NRXN1: variants seen among roughly 807,000 people sequenced by gnomAD.
NRXN1 encodes the protein neurexin-1.
Under a neutral mutation model 150.9 loss-of-function variants are expected in NRXN1, and 39 were observed. The observed-to-expected ratio is 0.26, with a 90% CI of 0.20 to 0.34. The LOEUF (loss-of-function observed/expected upper bound fraction) is 0.34, where lower values mean the gene tolerates loss of function less well. Among genes scored for constraint, NRXN1 ranks in the 10% least tolerant of loss-of-function variants. The probability of loss-of-function intolerance (pLI) is 1.00; values close to 1 mark genes in which losing one functional copy is unlikely to be tolerated. For synonymous variants in NRXN1, 924 were observed against 757.0 expected (o/e 1.22, Z -3.62); for missense variants, 1,815 against 1,949.9 (o/e 0.93, Z 1.30).
intron 9 of NRXN1, among the ~76,000 whole-genome samples, chr2:50,543,502 T>G (rs1466696088): frequency 6.6e-6 from 1 of 152,122 alleles, no homozygotes; most frequent in African/African-American, 2.4e-5. Context: ...TTCTTACATG[T>G]AAAGCTGTTT....
intron 8 of NRXN1, among the ~76,000 whole-genome samples, chr2:50,560,838 C>T (rs1331047919): frequency 6.6e-6 from 1 of 152,176 alleles, no homozygotes; most frequent in East Asian, 1.9e-4. Context: ...ATTCAGAGAC[C>T]ATGTACAGAT....
chr2:50,015,498 A>C (rs1242445353), intron 21 of NRXN1, among the ~76,000 whole-genome samples: 1 of 149,232 alleles, frequency 6.7e-6, no homozygotes, highest in South Asian at 2.2e-4. Flanking sequence ...GGCTAGAAAA[A>C]TAAACAGGGA....
intron 17 of NRXN1, among the ~76,000 whole-genome samples, chr2:50,338,180 T>C (rs2077313632): frequency 6.6e-6 from 1 of 152,244 alleles, no homozygotes; most frequent in Non-Finnish European, 1.5e-5. Flanking sequence ...CAGCATATGT[T>C]ACTACTTTGA....
At position 50,307,277 on chromosome 2, in the gene NRXN1, C is replaced by T. The variant is rs540114189; in HGVS notation, c.3365-70307G>A. ...GATCACAGGTGTGAGCCACTGCACC[C>T]GGCCTCTTCCTTTTATTTAGTTTAT... is the stretch of plus-strand genomic sequence containing the variant. On this transcript the variant is annotated intron_variant, in intron 17 of 22. Coordinates refer to ENST00000401669, the MANE Select transcript of NRXN1 (RefSeq NM_001330078.2). 8.5e-4 allele frequency among the ~76,000 whole-genome samples: 130 copies of T among 152,250 alleles called. 1 individual carries two copies. The highest frequency in any genetic ancestry group is 1.5e-3 in the Non-Finnish European group (102 of 68,024).
chr2:50,499,683 C>T (rs764873788), intron 13 of NRXN1, among the ~76,000 whole-genome samples: 3 of 152,064 alleles, frequency 2.0e-5, no homozygotes, highest in East Asian at 1.9e-4. Context: ...TGCGGTGGCT[C>T]ACGCCTGTAA....
intron 2 of NRXN1, among the ~76,000 whole-genome samples, chr2:50,991,404 G>C (rs936417205): frequency 6.6e-6 from 1 of 152,012 alleles, no homozygotes; most frequent in Non-Finnish European, 1.5e-5. Context: ...ATGGATGCTT[G>C]TGATGATGGA....
rs2104907329 is a variant in NRXN1, at chr2:50,495,990, C to T, written c.2985G>A (p.Arg995=). The change falls in exon 15 of 23, where the codon AGG becomes AGA. Residue 995 remains arginine, a synonymous_variant. Transcript: ENST00000401669. ...TTACAGTGTGGAGGTTGCTGGTGTC[C>T]CTTGATATCATCACGTTGTGCCACT... ...DNQWHNVMIS[R]DTSNLHTVKI... 6.2e-7 allele frequency: 1 copy of T among 1,613,538 alleles called. No individual in the cohort carries two copies. Among genetic ancestry groups the T allele is most frequent in the Non-Finnish European group, 8.5e-7 (1 of 1,179,710 alleles).
chr2:50,890,766 C>T (rs1680925845), intron 5 of NRXN1, among the ~76,000 whole-genome samples: 1 of 151,786 alleles, frequency 6.6e-6, no homozygotes, highest in South Asian at 2.1e-4. Flanking sequence ...TTAATTATCA[C>T]CTTACCAGCT....
chr2:50,853,436 T>G (rs1003626285), intron 5 of NRXN1, among the ~76,000 whole-genome samples: 1 of 152,114 alleles, frequency 6.6e-6, no homozygotes, highest in Non-Finnish European at 1.5e-5. Flanking sequence ...ACAAGTTTCA[T>G]TTAAGTTGTG....
chr2:50,071,322 G>A (rs1210748399), intron 19 of NRXN1, among the ~76,000 whole-genome samples: 1 of 152,276 alleles, frequency 6.6e-6, no homozygotes, highest in African/African-American at 2.4e-5. Flanking sequence ...GAGCTCAATT[G>A]TTTATCCCCC....
chr2:50,802,776 G>C (rs1161222960), intron 5 of NRXN1, among the ~76,000 whole-genome samples: 1 of 152,072 alleles, frequency 6.6e-6, no homozygotes, highest in African/African-American at 2.4e-5. Context: ...TTGGGACAAA[G>C]AGATAGACAC....
intron 19 of NRXN1, among the ~76,000 whole-genome samples, chr2:50,068,869 T>C (rs905468170): frequency 1.3e-4 from 19 of 151,836 alleles, no homozygotes; most frequent in African/African-American, 4.6e-4. Context: ...GGCCAAAGAG[T>C]GAGCCTTATT....
intron 5 of NRXN1, among the ~76,000 whole-genome samples, chr2:50,900,364 A>T (rs1301913593): frequency 6.6e-6 from 1 of 152,168 alleles, no homozygotes; most frequent in Non-Finnish European, 1.5e-5. Context: ...CCCTTTAAGG[A>T]CAGTAGTTCT....
chr2:50,306,338 C>T (rs537815424), intron 17 of NRXN1, among the ~76,000 whole-genome samples: 12 of 152,226 alleles, frequency 7.9e-5, no homozygotes, highest in African/African-American at 1.7e-4. Flanking sequence ...TAATTCACAA[C>T]GGCAGTACCT....
At chr2:50,401,537 A>C (rs1307045143) in intron 17 of NRXN1, among the ~76,000 whole-genome samples, 1 of 152,064 alleles carries the variant, frequency 6.6e-6, no homozygotes, top group African/African-American at 2.4e-5. Context: ...ATTCCCTTCC[A>C]AAGTATGACT....
At chr2:50,109,395 A>T (rs557037035) in intron 18 of NRXN1, among the ~76,000 whole-genome samples, 2 of 152,014 alleles carry the variant, frequency 1.3e-5, no homozygotes, top group African/African-American at 4.8e-5. Flanking sequence ...TTAATTCATA[A>T]TGGTTCAATT....
At chr2:50,179,819 G>C (rs2060586416) in intron 18 of NRXN1, among the ~76,000 whole-genome samples, 1 of 152,020 alleles carries the variant, frequency 6.6e-6, no homozygotes, top group Non-Finnish European at 1.5e-5. Context: ...GCTTAGGAGT[G>C]CTTAACCTAG....
intron 2 of NRXN1, among the ~76,000 whole-genome samples, chr2:50,961,955 C>T (rs889042571): frequency 2.3e-5 from 3 of 130,412 alleles, no homozygotes; most frequent in Admixed American, 8.0e-5. Context: ...CTGGACTAGG[C>T]CTGCTAGTTA....
At chr2:49,951,852 G>A (rs530993411) in intron 21 of NRXN1, among the ~76,000 whole-genome samples, 35 of 151,802 alleles carry the variant, frequency 2.3e-4, no homozygotes, top group African/African-American at 5.5e-4. Context: ...AATCCCTTTC[G>A]GTAAAAGGCC....
Sources: allele counts gnomAD v4.1 joint callset (sites outside exome capture counted in the v4.1 genomes callset), GRCh38; gene constraint gnomAD v4.1.1; transcripts MANE v1.5; gene names NCBI Gene and HGNC (gene_info 2026-07-23, HGNC 2026-07-21).